TMEFF2: variants seen among roughly 807,000 people sequenced by gnomAD.
The protein encoded by TMEFF2 is tomoregulin-2.
TMEFF2 carries 28 observed loss-of-function variants against 53.8 expected under a neutral mutation model. The observed-to-expected ratio is 0.52, with a 90% CI of 0.39 to 0.71. TMEFF2 has a LOEUF of 0.71. Ranked by LOEUF, TMEFF2 falls within the 30% of genes least tolerant of loss-of-function variation. The probability of loss-of-function intolerance (pLI) is 0.00; values close to 1 mark genes in which losing one functional copy is unlikely to be tolerated. For synonymous variants in TMEFF2, 162 were observed against 166.3 expected (o/e 0.97, Z 0.20); for missense variants, 353 against 455.2 (o/e 0.78, Z 2.04).
At chr2:191,969,443 C>T (rs981346626) in intron 7 of TMEFF2, among the ~76,000 whole-genome samples, 4 of 152,090 alleles carry the variant, frequency 2.6e-5, no homozygotes, top group South Asian at 2.1e-4. Context: ...AGAAAGTATA[C>T]ATTCCAGTAC....
At chr2:191,975,449 C>A (rs746844875) in intron 7 of TMEFF2, among the ~76,000 whole-genome samples, 5 of 151,092 alleles carry the variant, frequency 3.3e-5, no homozygotes, top group Non-Finnish European at 5.9e-5. Flanking sequence ...TACAAATCAC[C>A]TTCATGTCTT....
At chr2:192,092,251 A>G (rs1688807340) in intron 4 of TMEFF2, among the ~76,000 whole-genome samples, 1 of 152,030 alleles carries the variant, frequency 6.6e-6, no homozygotes. Context: ...CTACTCAGAA[A>G]CTCTCTCCAA....
At chr2:192,094,541 C>T (rs1269623051) in intron 4 of TMEFF2, among the ~76,000 whole-genome samples, 1 of 151,862 alleles carries the variant, frequency 6.6e-6, no homozygotes, top group Non-Finnish European at 1.5e-5. Context: ...ATCTACACAC[C>T]TCAATTTTTA....
intron 4 of TMEFF2, among the ~76,000 whole-genome samples, chr2:192,088,346 C>T (rs912228340): frequency 2.3e-4 from 35 of 152,080 alleles, no homozygotes; most frequent in Non-Finnish European, 2.9e-4. Flanking sequence ...GGACTATTAA[C>T]GTTGACTATG....
intron 4 of TMEFF2, among the ~76,000 whole-genome samples, chr2:192,075,154 C>T (rs1054695211): frequency 1.3e-5 from 2 of 150,622 alleles, no homozygotes; most frequent in Non-Finnish European, 3.0e-5. Flanking sequence ...GGATGAATGT[C>T]GCTATAATGA....
chr2:192,164,521 A>G (rs1266472280), intron 4 of TMEFF2, among the ~76,000 whole-genome samples: 3 of 152,096 alleles, frequency 2.0e-5, no homozygotes, highest in African/African-American at 7.2e-5. Context: ...CGAGGTCAGG[A>G]GATCAAGACC....
chr2:192,189,976 T>C (rs1409778484), intron 2 of TMEFF2, among the ~76,000 whole-genome samples: 2 of 152,214 alleles, frequency 1.3e-5, no homozygotes, highest in Admixed American at 1.3e-4. Flanking sequence ...ATTTACATTT[T>C]AGTTTCTTAC....
intron 4 of TMEFF2, among the ~76,000 whole-genome samples, chr2:192,099,799 C>A (rs1425374750): frequency 2.0e-5 from 3 of 149,636 alleles, no homozygotes; most frequent in Non-Finnish European, 3.0e-5. Context: ...TTTTTTCCAT[C>A]TTAGGAGTGA....
chr2:192,127,632 G>A (rs928887924), intron 4 of TMEFF2, among the ~76,000 whole-genome samples: 3 of 151,990 alleles, frequency 2.0e-5, no homozygotes, highest in African/African-American at 7.3e-5. Flanking sequence ...ACAAGAACAT[G>A]AGCTGACTAT....
Position 191,949,349 on chromosome 2 carries a change from T to C in TMEFF2, c.*962A>G, listed in dbSNP as rs1169385433. On this transcript the variant is annotated 3_prime_UTR_variant, in exon 10 of 10. Transcript: ENST00000272771. ...TATCGTCATCATCATCTTAGTTCCATTACAAATTATGGTGCTGCATTAGCC... is the reference window on the plus strand; with the variant it reads ...TATCGTCATCATCATCTTAGTTCCACTACAAATTATGGTGCTGCATTAGCC... The C allele has an allele frequency of 1.0e-6, 1 of 985,280 alleles. No individual in the cohort carries two copies. Among genetic ancestry groups the C allele is most frequent in the African/African-American group, 1.7e-5 (1 of 57,230 alleles). 61.0% of individuals were successfully genotyped at this position (985,280 alleles called of 1,614,324 possible). A position where few individuals can be genotyped will look rare whatever the true frequency, so the allele number is the denominator to read the frequency against.
intron 4 of TMEFF2, among the ~76,000 whole-genome samples, chr2:192,171,697 C>T (rs983698714): frequency 6.6e-6 from 1 of 151,892 alleles, no homozygotes. Flanking sequence ...TCCTTCTCTC[C>T]CTCATCTGCA....
chr2:192,165,798 G>A (rs4368280), intron 4 of TMEFF2, among the ~76,000 whole-genome samples: 1 of 151,640 alleles, frequency 6.6e-6, no homozygotes, highest in Non-Finnish European at 1.5e-5. Context: ...CTCAGCATTA[G>A]CAGTAGATAC....
chr2:192,057,005 C>A (rs1214093538), intron 5 of TMEFF2, among the ~76,000 whole-genome samples: 2 of 152,046 alleles, frequency 1.3e-5, no homozygotes, highest in African/African-American at 4.8e-5. Flanking sequence ...TTATAGAAAC[C>A]CAAACAGACT....
intron 4 of TMEFF2, among the ~76,000 whole-genome samples, chr2:192,149,899 T>C (rs1690343685): frequency 6.6e-6 from 1 of 152,010 alleles, no homozygotes; most frequent in African/African-American, 2.4e-5. Flanking sequence ...ACTTCCTGGC[T>C]AACTTTCAAC....
chr2:192,160,457 T>C (rs1317592695), intron 4 of TMEFF2, among the ~76,000 whole-genome samples: 1 of 152,048 alleles, frequency 6.6e-6, no homozygotes, highest in Non-Finnish European at 1.5e-5. Flanking sequence ...AGAAACTGCC[T>C]GGGAGAAAAA....
At chr2:192,175,590 T>C (rs754878288) in intron 4 of TMEFF2, among the ~76,000 whole-genome samples, 4 of 151,472 alleles carry the variant, frequency 2.6e-5, no homozygotes, top group Non-Finnish European at 5.9e-5. Flanking sequence ...AATAACCTAT[T>C]AAAGAATTAT....
At chr2:192,111,661 G>A (rs1460352067) in intron 4 of TMEFF2, among the ~76,000 whole-genome samples, 1 of 152,202 alleles carries the variant, frequency 6.6e-6, no homozygotes, top group Non-Finnish European at 1.5e-5. Context: ...GGAGCCAAAT[G>A]TTAATTGCCA....
At chr2:192,062,147 C>T (rs1298365634) in intron 4 of TMEFF2, among the ~76,000 whole-genome samples, 1 of 152,102 alleles carries the variant, frequency 6.6e-6, no homozygotes, top group Non-Finnish European at 1.5e-5. Flanking sequence ...GGTTACCCTT[C>T]CCAGGCATTG....
intron 4 of TMEFF2, among the ~76,000 whole-genome samples, chr2:192,099,014 A>C (rs577126882): frequency 1.8e-4 from 28 of 152,152 alleles, no homozygotes; most frequent in Non-Finnish European, 3.4e-4. Flanking sequence ...TTCCAAAACC[A>C]CTTTAGTACT....
Sources: allele counts gnomAD v4.1 joint callset (sites outside exome capture counted in the v4.1 genomes callset), GRCh38; gene constraint gnomAD v4.1.1; transcripts MANE v1.5; gene names NCBI Gene and HGNC (gene_info 2026-07-23, HGNC 2026-07-21).